Variants in MAML2 observed in about 807,000 individuals in gnomAD.
MAML2 encodes the protein mastermind like transcriptional coactivator 2.
Under a neutral mutation model 96.1 loss-of-function variants are expected in MAML2, and 22 were observed. That is an observed-to-expected ratio of 0.23 (90% confidence interval 0.16 to 0.33). The LOEUF is 0.33. MAML2 is among the 10% of genes least tolerant of loss of function. The pLI, the probability that MAML2 is intolerant of heterozygous loss-of-function variation, is 1.00. For missense variants in MAML2, 1,367 were observed against 1,392.4 expected (o/e 0.98, Z 0.29); for synonymous variants, 561 against 521.3 (o/e 1.08, Z -1.04).
chr11:95,982,842 T>C lies in MAML2; in HGVS notation c.2455+2689A>G, dbSNP rs1038450323. Among the ~76,000 whole-genome samples the C allele has an allele frequency of 2.0e-5, 3 of 152,314 alleles. No individual in the cohort carries two copies. In the South Asian group the frequency reaches 6.2e-4, roughly 32 times the overall value. The stretch of plus-strand genomic sequence containing the variant: ...CTGAAAAATTCCTATGGCTGTATTT[T>C]AGAGGACACTCTAAAATAATTATTA... On this transcript the variant is annotated intron_variant, in intron 4 of 4. Transcript: ENST00000524717.
intron 4 of MAML2, among the ~76,000 whole-genome samples, chr11:95,981,369 G>A (rs139767146): frequency 2.0e-5 from 3 of 152,274 alleles, no homozygotes; most frequent in Non-Finnish European, 2.9e-5. Flanking sequence ...AAGTCATCAC[G>A]AGGAAATATT....
At chr11:95,981,779 C>T (rs1392949760) in intron 4 of MAML2, among the ~76,000 whole-genome samples, 2 of 152,112 alleles carry the variant, frequency 1.3e-5, no homozygotes, top group Non-Finnish European at 2.9e-5. Flanking sequence ...GCAATATCAT[C>T]TTTGTATCTG....
chr11:96,276,245 C>T (rs1266184410), intron 1 of MAML2, among the ~76,000 whole-genome samples: 3 of 152,138 alleles, frequency 2.0e-5, no homozygotes, highest in Non-Finnish European at 4.4e-5. Context: ...CCTTTTTCTC[C>T]TTCAAATGGA....
At chr11:96,170,134 C>T (rs562517457) in intron 1 of MAML2, among the ~76,000 whole-genome samples, 1 of 152,310 alleles carries the variant, frequency 6.6e-6, no homozygotes, top group South Asian at 2.1e-4. Flanking sequence ...GTTCAGGGCA[C>T]ATCATGTGCT....
At chr11:96,073,888 G>A (rs562447268) in intron 2 of MAML2, among the ~76,000 whole-genome samples, 2 of 152,150 alleles carry the variant, frequency 1.3e-5, no homozygotes, top group East Asian at 3.9e-4. Flanking sequence ...CTGTGGACGT[G>A]TGTTCATTTC....
chr11:96,112,081 T>C (rs1860137422), intron 1 of MAML2, among the ~76,000 whole-genome samples: 1 of 152,174 alleles, frequency 6.6e-6, no homozygotes, highest in Non-Finnish European at 1.5e-5. Context: ...AACATCAGTA[T>C]ATCAAGATTG....
At chr11:96,073,660 G>A (rs918018003) in intron 2 of MAML2, among the ~76,000 whole-genome samples, 2 of 152,262 alleles carry the variant, frequency 1.3e-5, no homozygotes, top group East Asian at 1.9e-4. Flanking sequence ...GAGTGAAGCC[G>A]ATCTACTATC....
At chr11:96,022,576 T>G (rs1858452083) in intron 2 of MAML2, among the ~76,000 whole-genome samples, 1 of 149,758 alleles carries the variant, frequency 6.7e-6, no homozygotes, top group African/African-American at 2.4e-5. Context: ...TCACTGTCCC[T>G]GTCTATCTGT....
At chr11:96,305,522 T>C (rs141667174) in intron 1 of MAML2, among the ~76,000 whole-genome samples, 5 of 152,332 alleles carry the variant, frequency 3.3e-5, no homozygotes, top group Admixed American at 3.3e-4. Flanking sequence ...CTCTAAAAAA[T>C]AAAGTCTATT....
chr11:96,297,950 A>G (rs979420742), intron 1 of MAML2, among the ~76,000 whole-genome samples: 1 of 152,176 alleles, frequency 6.6e-6, no homozygotes, highest in African/African-American at 2.4e-5. Flanking sequence ...GGCCACCTCA[A>G]AAATTGTTTT....
At chr11:96,074,334 C>A (rs2135791509) in intron 2 of MAML2, among the ~76,000 whole-genome samples, 1 of 152,164 alleles carries the variant, frequency 6.6e-6, no homozygotes, top group South Asian at 2.1e-4. Flanking sequence ...ATATGCTGTA[C>A]CTAACAAGTT....
intron 1 of MAML2, among the ~76,000 whole-genome samples, chr11:96,116,423 C>T (rs936021468): frequency 3.3e-5 from 5 of 152,168 alleles, no homozygotes; most frequent in African/African-American, 9.7e-5. Context: ...TTTGGATTCT[C>T]TTGGCTCCCT....
At chr11:96,309,220 C>A (rs770285309) in intron 1 of MAML2, among the ~76,000 whole-genome samples, 4 of 152,144 alleles carry the variant, frequency 2.6e-5, no homozygotes, top group Non-Finnish European at 4.4e-5. Context: ...TTTGGAATGC[C>A]ATTGTGTTTT....
chr11:96,112,027 C>T (rs1394338039), intron 1 of MAML2, among the ~76,000 whole-genome samples: 5 of 151,830 alleles, frequency 3.3e-5, no homozygotes, highest in African/African-American at 9.7e-5. Flanking sequence ...AAATGCTGCT[C>T]GTTAAACAAG....
chr11:96,221,273 A>G (rs970056469), intron 1 of MAML2, among the ~76,000 whole-genome samples: 5 of 152,182 alleles, frequency 3.3e-5, no homozygotes, highest in Non-Finnish European at 5.9e-5. Flanking sequence ...AGAGAAGGAC[A>G]TGTTCCCAAG....
chr11:96,240,394 C>CA (rs1290701379), intron 1 of MAML2, among the ~76,000 whole-genome samples: 6 of 150,980 alleles, frequency 4.0e-5, no homozygotes, highest in Admixed American at 2.0e-4. Flanking sequence ...ACTAAAAATA[C>CA]AAAAAATTAG....
In MAML2 at chr11:95,995,590, A is replaced by AT. The variant is rs149044025; in HGVS notation, c.2140-3868dup. ...TGTTTGATACACTTTAACTATTATT[A>AT]TTTTGTTATTTCTGTATTTTTAAAT... is the stretch of plus-strand genomic sequence containing the variant. On this transcript the variant is annotated intron_variant, in intron 2 of 4. Transcript: ENST00000524717. Among the ~76,000 whole-genome samples, 480 of 152,214 alleles carry AT rather than the reference A, an allele frequency of 3.2e-3. 18 individuals carry two copies. In the East Asian group the frequency reaches 0.079, roughly 25 times the overall value.
At chr11:96,301,927 T>C (rs540535399) in intron 1 of MAML2, among the ~76,000 whole-genome samples, 44 of 152,320 alleles carry the variant, frequency 2.9e-4, no homozygotes, top group Admixed American at 7.8e-4. Flanking sequence ...GGCTACAAGA[T>C]TAACATTGAA....
Position 96,092,556 on chromosome 11 carries a change from G to T in MAML2, c.1475C>A (p.Pro492Gln), listed in dbSNP as rs780094375. 17 of 1,604,262 alleles carry T rather than the reference G, an allele frequency of 1.1e-5. No individual in the cohort carries two copies. In the South Asian group the frequency reaches 1.8e-4, roughly 17 times the overall value. ...TACCCCAGGCATGGGGGAGCTCTGT[G>T]GGCTGAATGTCTGCTGACCAAAAGA... ...SPSFGQQTFSPQSSPMPGVAG... is the reference protein window; with the variant it reads ...SPSFGQQTFSQQSSPMPGVAG... The change falls in exon 2 of 5, where the codon CCA becomes CAA. Residue 492 changes from proline (P) to glutamine (Q), a missense_variant. Physicochemically the swap from Pro to Gln is moderately conservative, Grantham distance 76 (BLOSUM62 -1). Coordinates refer to ENST00000524717, the MANE Select transcript of MAML2 (RefSeq NM_032427.4). This position sits in a 1 kb window ranked among gnomAD's most constrained non-coding sequence, Gnocchi z 4.1.
Sources: gnomAD v4.1 joint callset for allele counts (sites outside exome capture counted in the v4.1 genomes callset) on GRCh38, gnomAD v4.1.1 for gene constraint, Gnocchi (gnomAD v3.1) non-coding constraint, MANE v1.5 for transcripts, NCBI Gene and HGNC (gene_info 2026-07-23, HGNC 2026-07-21) for gene names.